The following DLG1 variants were observed in gnomAD, a reference collection of about 807,000 sequenced individuals.
DLG1 encodes discs large MAGUK scaffold protein 1.
In DLG1, 42 loss-of-function variants were observed where a neutral mutation model predicts 123.4. The ratio of observed to expected loss-of-function variants is 0.34; its 90% CI spans 0.27 to 0.44. DLG1 has a LOEUF of 0.44. Ranked by LOEUF, DLG1 falls within the 20% of genes least tolerant of loss-of-function variation. The pLI is 1.00. For synonymous variants in DLG1, 317 were observed against 356.2 expected, an observed-to-expected ratio of 0.89 and a Z score of 1.24; for missense variants, 942 against 1,082.6, an observed-to-expected ratio of 0.87 and a Z score of 1.82.
intron 23 of DLG1, among the ~76,000 whole-genome samples, chr3:197,051,888 C>T (rs554733767): frequency 4.6e-5 from 6 of 131,234 alleles, no homozygotes. Context: ...GTCACCCAGG[C>T]TGGAGTGCAG....
chr3:197,167,954 T>C (rs773566430), intron 5 of DLG1, among the ~76,000 whole-genome samples: 3 of 152,214 alleles, frequency 2.0e-5, no homozygotes, highest in Non-Finnish European at 4.4e-5. Flanking sequence ...GCCCTAACAA[T>C]AGGATAATAG....
intron 23 of DLG1, among the ~76,000 whole-genome samples, chr3:197,053,999 A>G (rs1455922616): frequency 6.6e-6 from 1 of 150,944 alleles, no homozygotes; most frequent in African/African-American, 2.4e-5. Context: ...GGCCGAGGTG[A>G]GAGGCTGCTT....
intron 4 of DLG1, among the ~76,000 whole-genome samples, chr3:197,247,120 C>T (rs564527648): frequency 2.6e-5 from 4 of 152,142 alleles, no homozygotes; most frequent in Non-Finnish European, 4.4e-5. Flanking sequence ...TTAACAAAGC[C>T]GATGCTTCCT....
At chr3:197,141,136 A>C (rs3821713) in intron 7 of DLG1, among the ~76,000 whole-genome samples, 113,286 of 152,060 alleles carry the variant, frequency 0.75, 42,313 homozygotes, top group East Asian at 0.81. Context: ...TTTAACTGTT[A>C]GTATTAAACA....
chr3:197,074,940 A>G (rs1167199526), intron 18 of DLG1, among the ~76,000 whole-genome samples: 2 of 152,068 alleles, frequency 1.3e-5, no homozygotes, highest in Non-Finnish European at 2.9e-5. Context: ...ATGAATGACA[A>G]AGAAGTTTTC....
At chr3:197,071,535 C>G (rs992331553) in intron 18 of DLG1, among the ~76,000 whole-genome samples, 1 of 151,958 alleles carries the variant, frequency 6.6e-6, no homozygotes, top group Non-Finnish European at 1.5e-5. Flanking sequence ...TAAAGCCTCA[C>G]TACTCAAAGT....
chr3:197,096,717 A>T (rs1760844574), intron 14 of DLG1, among the ~76,000 whole-genome samples: 1 of 152,118 alleles, frequency 6.6e-6, no homozygotes, highest in South Asian at 2.1e-4. Flanking sequence ...AGTTCTATCA[A>T]CTTATTGATG....
At chr3:197,179,702 G>A (rs1809080515) in intron 5 of DLG1, among the ~76,000 whole-genome samples, 1 of 152,056 alleles carries the variant, frequency 6.6e-6, no homozygotes, top group Non-Finnish European at 1.5e-5. Context: ...AAATTATTTG[G>A]TAGAAGTGAC....
chr3:197,198,473 C>T (rs1463554452), intron 4 of DLG1, among the ~76,000 whole-genome samples: 6 of 115,738 alleles, frequency 5.2e-5, no homozygotes, highest in African/African-American at 1.7e-4. Flanking sequence ...GGTGACACAG[C>T]GAGACTCAGT....
chr3:197,062,202 C>A (rs1228749544), intron 22 of DLG1, among the ~76,000 whole-genome samples: 1 of 152,108 alleles, frequency 6.6e-6, no homozygotes, highest in East Asian at 1.9e-4. Flanking sequence ...ATACCTTAGC[C>A]CAGATTACCT....
chr3:197,085,543 T>A, intron 16 of DLG1, 37 bp downstream of exon 16: 1 of 1,604,128 alleles, frequency 6.2e-7, no homozygotes. Flanking sequence ...CAATTATTTA[T>A]GTTGCCTCAC....
chr3:197,067,865 TAGG>T (rs2148905881), intron 19 of DLG1, among the ~76,000 whole-genome samples: 1 of 151,312 alleles, frequency 6.6e-6, no homozygotes, highest in East Asian at 1.9e-4. Flanking sequence ...CCAAAAACTC[TAGG>T]AGTTTTAAAC....
chr3:197,241,363 A>G (rs1247344081), intron 4 of DLG1, among the ~76,000 whole-genome samples: 1 of 152,128 alleles, frequency 6.6e-6, no homozygotes, highest in African/African-American at 2.4e-5. Flanking sequence ...AAGCTAAGAG[A>G]ATTCACCACC....
intron 20 of DLG1, 22 bp downstream of exon 20, chr3:197,066,682 A>G: frequency 6.4e-7 from 1 of 1,562,074 alleles, no homozygotes; most frequent in Non-Finnish European, 8.8e-7. Context: ...AAGGTTATAA[A>G]ACATCAATAG....
Position 197,282,728 on chromosome 3 carries a change from G to C in DLG1, c.269C>G (p.Ser90Cys). ...TGGCAGTGTCTCTGAAGTCACAGTAGAGCTTGGAAGGCTGGAAATCTCCCA... is the reference window on the plus strand; with the variant it reads ...TGGCAGTGTCTCTGAAGTCACAGTACAGCTTGGAAGGCTGGAAATCTCCCA... ...NTWEISSLPS[S>C]TVTSETLPSS... Residue 90 changes from serine (S) to cysteine (C), a missense_variant, in exon 4 of 25, where the codon TCT (serine) becomes TGT (cysteine). Coordinates refer to ENST00000667157, the MANE Select transcript of DLG1 (RefSeq NM_001366207.1). 1.2e-6 allele frequency: 2 copies of C among 1,611,834 alleles called. No homozygotes were observed. The highest frequency in any genetic ancestry group is 1.7e-6 in the Non-Finnish European group (2 of 1,179,100).
At chr3:197,294,340 C>G (rs571825074) in intron 3 of DLG1, among the ~76,000 whole-genome samples, 10 of 152,046 alleles carry the variant, frequency 6.6e-5, no homozygotes, top group Non-Finnish European at 1.3e-4. Flanking sequence ...CAAATATAAA[C>G]TTAGTAATTA....
intron 18 of DLG1, among the ~76,000 whole-genome samples, chr3:197,073,547 C>G (rs747394903): frequency 5.3e-5 from 8 of 152,200 alleles, no homozygotes; most frequent in Non-Finnish European, 1.0e-4. Flanking sequence ...GACTTAGCTG[C>G]ATTCTCCCAA....
rs1721059093 is a variant in DLG1, at chr3:197,042,973, A to G, written c.*1650T>C. 6.6e-6 allele frequency: 1 copy of G among 152,210 alleles called. No homozygotes were observed. Among genetic ancestry groups the G allele is most frequent in the Admixed American group, 6.5e-5 (1 of 15,282 alleles). The allele number at this position is 152,210 out of a possible 1,614,324, so 9.4% of individuals were successfully genotyped here. ...TTAGCTGTTCTCCTCTTCTTCATAA[A>G]TGGAATGGATAATGTTGATAATTCT... On this transcript the variant is annotated 3_prime_UTR_variant, in exon 25 of 25. Transcript: ENST00000667157.
chr3:197,200,255 C>G (rs1724914014), intron 4 of DLG1, among the ~76,000 whole-genome samples: 1 of 152,098 alleles, frequency 6.6e-6, no homozygotes, highest in Admixed American at 6.5e-5. Flanking sequence ...CAATACCAGA[C>G]AGTTGAACAA....
Sources: allele counts gnomAD v4.1 joint callset (sites outside exome capture counted in the v4.1 genomes callset), GRCh38; gene constraint gnomAD v4.1.1; transcripts MANE v1.5; gene names NCBI Gene and HGNC (gene_info 2026-07-23, HGNC 2026-07-21).